The following DPYD variants were observed in gnomAD, a reference collection of about 807,000 sequenced individuals.
DPYD encodes dihydropyrimidine dehydrogenase [NADP(+)].
DPYD carries 109 observed loss-of-function variants against 116.2 expected under a neutral mutation model. The ratio of observed to expected loss-of-function variants is 0.94; its 90% CI spans 0.80 to 1.10. The LOEUF (loss-of-function observed/expected upper bound fraction) is 1.10, where lower values mean the gene tolerates loss of function less well. DPYD is among the 50% of genes least tolerant of loss of function. The pLI is 0.00. For synonymous variants in DPYD, 440 were observed against 432.0 expected (o/e 1.02, Z -0.23); for missense variants, 1,302 against 1,254.5 (o/e 1.04, Z -0.57).
chr1:97,234,994 C>A lies in DPYD; in HGVS notation c.2300G>T (p.Gly767Val), dbSNP rs568367673. ...AKRTTYGGVS[G>V]TAIRPIALRA... Reference sequence around the variant, plus strand: ...CAAAGCAATAGGTCTGATTGCTGTCCCTACACAAAATCAGAATAATCAATG... The same window carrying A: ...CAAAGCAATAGGTCTGATTGCTGTCACTACACAAAATCAGAATAATCAATG... The change falls in exon 19 of 23, where the codon GGG becomes GTG. Residue 767 changes from glycine (G) to valine (V), a missense_variant and splice_region_variant. Physicochemically the swap from Gly to Val is moderately radical, Grantham distance 109 (BLOSUM62 -3). Coordinates refer to ENST00000370192, the MANE Select transcript of DPYD (RefSeq NM_000110.4). The A allele has an allele frequency of 6.2e-7, 1 of 1,614,014 alleles. No individual in the cohort carries two copies. Among genetic ancestry groups the A allele is most frequent in the South Asian group, 1.1e-5 (1 of 91,070 alleles).
intron 4 of DPYD, among the ~76,000 whole-genome samples, chr1:97,723,951 T>A (rs1047614773): frequency 2.0e-4 from 30 of 151,692 alleles, no homozygotes; most frequent in African/African-American, 7.0e-4. Flanking sequence ...GACAAATACT[T>A]CTAGAACATA....
chr1:97,327,778 T>C (rs977024099), intron 16 of DPYD, among the ~76,000 whole-genome samples: 1 of 152,086 alleles, frequency 6.6e-6, no homozygotes, highest in Non-Finnish European at 1.5e-5. Context: ...TTCTCAATTT[T>C]TGGATGTTGA....
intron 14 of DPYD, among the ~76,000 whole-genome samples, chr1:97,449,790 G>C (rs1321952059): frequency 6.6e-6 from 1 of 152,136 alleles, no homozygotes; most frequent in Non-Finnish European, 1.5e-5. Flanking sequence ...TCAATAAAAT[G>C]AGTATTTCAT....
At chr1:97,465,926 G>A (rs567906831) in intron 13 of DPYD, among the ~76,000 whole-genome samples, 4 of 152,210 alleles carry the variant, frequency 2.6e-5, no homozygotes, top group Non-Finnish European at 5.9e-5. Flanking sequence ...CCTGGACAAT[G>A]TGGGGAAACC....
At chr1:97,206,074 CAA>C (rs1384643963) in intron 19 of DPYD, among the ~76,000 whole-genome samples, 2 of 151,454 alleles carry the variant, frequency 1.3e-5, no homozygotes, top group Non-Finnish European at 2.9e-5. Context: ...CAGAAACAGC[CAA>C]ACAGAAAAGA....
At chr1:97,317,636 C>T (rs1249099821) in intron 16 of DPYD, among the ~76,000 whole-genome samples, 1 of 151,962 alleles carries the variant, frequency 6.6e-6, no homozygotes, top group Non-Finnish European at 1.5e-5. Context: ...AAAACAACCA[C>T]AAGCATAAAA....
chr1:97,410,079 AAAG>A (rs147380522), intron 14 of DPYD, among the ~76,000 whole-genome samples: 6,419 of 148,364 alleles, frequency 0.043, 236 homozygotes, highest in East Asian at 0.17. Context: ...AAAGAAAAAG[AAAG>A]AAGAAGAAGA....
intron 12 of DPYD, among the ~76,000 whole-genome samples, chr1:97,530,303 T>C (rs1025599614): frequency 2.0e-5 from 3 of 147,622 alleles, no homozygotes; most frequent in African/African-American, 7.4e-5. Flanking sequence ...CTGCAAACTC[T>C]GCCTCCCAGG....
At chr1:97,615,442 T>C (rs1359232105) in intron 8 of DPYD, among the ~76,000 whole-genome samples, 1 of 152,102 alleles carries the variant, frequency 6.6e-6, no homozygotes, top group Non-Finnish European at 1.5e-5. Context: ...AAATAATTGG[T>C]AAGTACAAAC....
chr1:97,759,906 A>G lies in DPYD; in HGVS notation c.234-19427T>C, dbSNP rs75552318. ...TTGGACAGCAAATACTTAAATATCCATTTATGGATATATGGGACGTGATAA... is the reference window on the plus strand; with the variant it reads ...TTGGACAGCAAATACTTAAATATCCGTTTATGGATATATGGGACGTGATAA... On this transcript the variant is annotated intron_variant, in intron 3 of 22. Transcript: ENST00000370192. 4.9e-4 allele frequency among the ~76,000 whole-genome samples: 75 copies of G among 152,292 alleles called. 1 individual carries two copies. The East Asian group carries it at 0.014, about 28-fold the overall frequency.
chr1:97,220,200 A>C (rs1660690846), intron 19 of DPYD, among the ~76,000 whole-genome samples: 1 of 152,094 alleles, frequency 6.6e-6, no homozygotes, highest in Non-Finnish European at 1.5e-5. Context: ...CCATTCACAG[A>C]TTAATGCACT....
At chr1:97,217,042 T>C (rs1030934260) in intron 19 of DPYD, among the ~76,000 whole-genome samples, 10 of 151,960 alleles carry the variant, frequency 6.6e-5, no homozygotes, top group Admixed American at 1.3e-4. Context: ...ACTCCGTCTC[T>C]ACTAAAAACA....
chr1:97,204,665 T>C (rs1659468536), intron 19 of DPYD, among the ~76,000 whole-genome samples: 1 of 152,176 alleles, frequency 6.6e-6, no homozygotes, highest in African/African-American at 2.4e-5. Context: ...CCTGTACCAC[T>C]AGGATCTGTG....
At chr1:97,326,014 C>T (rs1668690214) in intron 16 of DPYD, among the ~76,000 whole-genome samples, 1 of 151,350 alleles carries the variant, frequency 6.6e-6, no homozygotes, top group African/African-American at 2.4e-5. Flanking sequence ...TTATATATGT[C>T]TATGGGGTGA....
chr1:97,603,362 T>C (rs759211629), intron 8 of DPYD, among the ~76,000 whole-genome samples: 1 of 152,044 alleles, frequency 6.6e-6, no homozygotes, highest in Non-Finnish European at 1.5e-5. Flanking sequence ...GCTGTGGAGA[T>C]GAGGCAGTAA....
intron 13 of DPYD, among the ~76,000 whole-genome samples, chr1:97,509,003 G>A (rs939021136): frequency 2.0e-5 from 3 of 151,862 alleles, no homozygotes; most frequent in African/African-American, 7.2e-5. Context: ...GCCTAATCAC[G>A]TCAGCTGAGG....
chr1:97,445,127 C>G (rs1398635481), intron 14 of DPYD, among the ~76,000 whole-genome samples: 1 of 152,142 alleles, frequency 6.6e-6, no homozygotes, highest in Non-Finnish European at 1.5e-5. Flanking sequence ...ACAATTATAG[C>G]TCACTGATCA....
chr1:97,149,443 G>C (rs1477403552), intron 20 of DPYD, among the ~76,000 whole-genome samples: 2 of 152,086 alleles, frequency 1.3e-5, no homozygotes, highest in African/African-American at 4.8e-5. Flanking sequence ...AGTAGAGACA[G>C]GGTTTCACCA....
intron 3 of DPYD, chr1:97,774,831 T>A (rs193055504): frequency 5.2e-6 from 1 of 191,398 alleles, no homozygotes; most frequent in Non-Finnish European, 1.2e-5. Context: ...ATCAGTACTG[T>A]GGGAAACGGT....
Sources: allele counts gnomAD v4.1 joint callset (sites outside exome capture counted in the v4.1 genomes callset), GRCh38; gene constraint gnomAD v4.1.1; transcripts MANE v1.5; gene names NCBI Gene and HGNC (gene_info 2026-07-23, HGNC 2026-07-21).